Variants in RYR2 observed in about 807,000 individuals in gnomAD.
The protein encoded by RYR2 is ryanodine receptor 2, also known as cardiac muscle ryanodine receptor-calcium release channel.
A neutral mutation model predicts 601.1 loss-of-function variants in RYR2; 227 were observed. The ratio of observed to expected loss-of-function variants is 0.38; its 90% CI spans 0.34 to 0.42. The LOEUF (loss-of-function observed/expected upper bound fraction) is 0.42, where lower values mean the gene tolerates loss of function less well. RYR2 is among the 10% of genes least tolerant of loss of function. RYR2 has a pLI of 1.00. For missense variants in RYR2, 4,646 were observed against 6,156.5 expected (o/e 0.75, Z 8.21); for synonymous variants, 2,223 against 2,175.1 (o/e 1.02, Z -0.61).
chr1:237,717,506 C>G, intron 72 of RYR2, 138 bp downstream of exon 72: 1 of 678,400 alleles, frequency 1.5e-6, no homozygotes, highest in Non-Finnish European at 2.2e-6. Flanking sequence ...TAGACAGGCC[C>G]AAGACTCAAA....
chr1:237,636,025 C>A (rs112545824), intron 44 of RYR2, among the ~76,000 whole-genome samples: 1 of 152,018 alleles, frequency 6.6e-6, no homozygotes, highest in Admixed American at 6.6e-5. Flanking sequence ...GAAACCTTTT[C>A]TCCACTTCCT....
intron 23 of RYR2, among the ~76,000 whole-genome samples, chr1:237,508,639 A>C (rs1009718354): frequency 4.6e-5 from 7 of 151,972 alleles, no homozygotes; most frequent in Non-Finnish European, 8.8e-5. Flanking sequence ...ACTAAAATAT[A>C]AAGTCTCACT....
At chr1:237,217,432 G>T (rs1413038272) in intron 1 of RYR2, among the ~76,000 whole-genome samples, 1 of 151,940 alleles carries the variant, frequency 6.6e-6, no homozygotes, top group East Asian at 1.9e-4. Context: ...TGTTACCAAA[G>T]TGCTTTAGGT....
At chr1:237,794,775 T>C (rs887956675) in intron 95 of RYR2, among the ~76,000 whole-genome samples, 30 of 152,342 alleles carry the variant, frequency 2.0e-4, no homozygotes, top group African/African-American at 7.0e-4. Context: ...ATGTTTTGTT[T>C]AGCAATTCTA....
intron 94 of RYR2, 43 bp downstream of exon 94, chr1:237,792,366 T>TGTGTGTGTGTGTGCGCGC (rs1658499070): frequency 7.5e-6 from 6 of 805,192 alleles, no homozygotes; most frequent in East Asian, 3.0e-5. Context: ...TGTGTGTGTG[T>TGTGTGTGTGTGTGCGCGC]GTGTGTGTGT....
intron 19 of RYR2, 151 bp from the exon 20 acceptor site, chr1:237,496,360 A>C: frequency 1.0e-6 from 1 of 989,014 alleles, no homozygotes; most frequent in East Asian, 2.6e-5. Context: ...ATAAACTATG[A>C]TTGCACTACT....
At chr1:237,517,892 A>G (rs933725884) in intron 24 of RYR2, among the ~76,000 whole-genome samples, 69 of 152,176 alleles carry the variant, frequency 4.5e-4, no homozygotes, top group African/African-American at 1.5e-3. Flanking sequence ...TCAGATGCCA[A>G]CTTGCTTAGA....
rs201469656 is a variant in RYR2, at chr1:237,590,753, G to A, written c.3921G>A (p.Pro1307=). 7.4e-6 allele frequency: 12 copies of A among 1,613,760 alleles called. No individual in the cohort carries two copies. The East Asian group carries it at 8.9e-5, about 12-fold the overall frequency. The change falls in exon 31 of 105, where the codon CCG becomes CCA. Residue 1307 remains proline, a synonymous_variant. Coordinates refer to ENST00000366574, the MANE Select transcript of RYR2 (RefSeq NM_001035.3). ...TCATGTTTTATCGCCTGAGCATGCC[G>A]ATCGAGTGCGCGGAGGTCTTCTCCA... ...TDIMFYRLSM[P]IECAEVFSKT... is the part of the protein sequence containing the mutation.
chr1:237,572,374 T>C (rs1341247165), intron 29 of RYR2, among the ~76,000 whole-genome samples: 1 of 152,172 alleles, frequency 6.6e-6, no homozygotes, highest in East Asian at 1.9e-4. Context: ...GTGGTTCACA[T>C]GATACACACA....
chr1:237,612,056 T>TA (rs1677937736), intron 36 of RYR2, among the ~76,000 whole-genome samples: 1 of 152,050 alleles, frequency 6.6e-6, no homozygotes, highest in South Asian at 2.1e-4. Flanking sequence ...AAACAAAATG[T>TA]GATATATCCA....
chr1:237,341,414 T>A lies in RYR2; in HGVS notation c.273+10432T>A, dbSNP rs567782595. 3.9e-5 allele frequency among the ~76,000 whole-genome samples: 6 copies of A among 152,038 alleles called. No individual in the cohort carries two copies. The South Asian group carries it at 1.2e-3, about 32-fold the overall frequency. ...GCTGGAGTGCAATGGTGCAATATCCTCCCCAAAAAACAAACACAAAAGCAA... is the reference window on the plus strand; with the variant it reads ...GCTGGAGTGCAATGGTGCAATATCCACCCCAAAAAACAAACACAAAAGCAA... On this transcript the variant is annotated intron_variant, in intron 3 of 104. Coordinates refer to ENST00000366574, the MANE Select transcript of RYR2 (RefSeq NM_001035.3).
intron 2 of RYR2, among the ~76,000 whole-genome samples, chr1:237,318,630 A>G (rs1695327008): frequency 1.3e-5 from 2 of 152,072 alleles, no homozygotes; most frequent in Non-Finnish European, 2.9e-5. Context: ...TTGTCATCTC[A>G]CTGCCTTCTG....
chr1:237,711,606 A>C, intron 70 of RYR2, 139 bp from the exon 71 acceptor site: 1 of 613,984 alleles, frequency 1.6e-6, no homozygotes. Context: ...TACTCAAGAA[A>C]TACTTGTATC....
At chr1:237,585,329 C>A (rs985481109) in intron 29 of RYR2, among the ~76,000 whole-genome samples, 2 of 152,122 alleles carry the variant, frequency 1.3e-5, no homozygotes, top group Non-Finnish European at 2.9e-5. Flanking sequence ...ATGGTAATAA[C>A]GATTCCTATC....
Position 237,674,098 on chromosome 1 carries a change from G to A in RYR2, c.8593G>A (p.Gly2865Arg). The A allele has an allele frequency of 6.2e-7, 1 of 1,610,960 alleles. No individual in the cohort carries two copies. The highest frequency in any genetic ancestry group is 1.7e-4 in the Middle Eastern group (1 of 6,044). ...TTCTTGTCCTGACATACTCTTAGGAGGAGGAAACCATCCTCTGCTGGTGCC... is the reference window on the plus strand; with the variant it reads ...TTCTTGTCCTGACATACTCTTAGGAAGAGGAAACCATCCTCTGCTGGTGCC... Reference protein sequence around the residue: ...KKKMELESKGGGNHPLLVPYD... With the variant: ...KKKMELESKGRGNHPLLVPYD... Residue 2865 changes from glycine (G) to arginine (R), a missense_variant and splice_region_variant, in exon 59 of 105, where the codon GGA (glycine) becomes AGA (arginine). Coordinates refer to ENST00000366574, the MANE Select transcript of RYR2 (RefSeq NM_001035.3).
intron 35 of RYR2, among the ~76,000 whole-genome samples, chr1:237,605,011 C>T (rs1457321880): frequency 6.6e-6 from 1 of 152,156 alleles, no homozygotes; most frequent in Non-Finnish European, 1.5e-5. Context: ...GAGCTGGTAC[C>T]ATTCCTTCTG....
chr1:237,118,544 G>C (rs1272134760), intron 1 of RYR2, among the ~76,000 whole-genome samples: 1 of 152,002 alleles, frequency 6.6e-6, no homozygotes, highest in Non-Finnish European at 1.5e-5. Flanking sequence ...CGGTAGAATG[G>C]TGGTCACCAG....
At chr1:237,814,547 CA>C (rs1553337524) in intron 100 of RYR2, among the ~76,000 whole-genome samples, 2 of 140,660 alleles carry the variant, frequency 1.4e-5, no homozygotes, top group East Asian at 5.3e-4. Flanking sequence ...AGACAAGTCA[CA>C]GGGGGATTTT....
At chr1:237,633,856 A>T (rs2148702081) in intron 43 of RYR2, 146 bp downstream of exon 43, 1 of 773,814 alleles carries the variant, frequency 1.3e-6, no homozygotes, top group Admixed American at 3.0e-5. Context: ...AGGTATATGA[A>T]AAAATACTCG....
Sources: gnomAD v4.1 joint callset for allele counts (sites outside exome capture counted in the v4.1 genomes callset) on GRCh38, gnomAD v4.1.1 for gene constraint, MANE v1.5 for transcripts, NCBI Gene and HGNC (gene_info 2026-07-23, HGNC 2026-07-21) for gene names.